The following IMPACT variants were observed in gnomAD, a reference collection of about 807,000 sequenced individuals.
IMPACT encodes impact RWD domain protein, also known as protein IMPACT.
Under a neutral mutation model 47.5 loss-of-function variants are expected in IMPACT, and 35 were observed. The ratio of observed to expected loss-of-function variants is 0.74; its 90% CI spans 0.56 to 0.98. The LOEUF (loss-of-function observed/expected upper bound fraction) is 0.98. Among genes scored for constraint, IMPACT ranks in the 50% least tolerant of loss-of-function variants. The pLI, the probability that IMPACT is intolerant of heterozygous loss-of-function variation, is 0.00. For synonymous variants in IMPACT, 118 were observed against 125.6 expected (o/e 0.94, Z 0.40); for missense variants, 373 against 394.8 (o/e 0.94, Z 0.47).
In IMPACT at chr18:24,441,870, G is replaced by C. The variant is rs577225031; in HGVS notation, c.491-1179G>C. ...GACATATGATATCTTTTGAAAACAG[G>C]ATCTACCATGAAAAGAAAAAGGATA... is the stretch of plus-strand genomic sequence containing the variant. On this transcript the variant is annotated intron_variant, in intron 6 of 10. Transcript: ENST00000284202. 3.3e-5 allele frequency among the ~76,000 whole-genome samples: 5 copies of C among 152,122 alleles called. No individual in the cohort carries two copies. In the South Asian group the frequency reaches 1.0e-3, roughly 32 times the overall value.
chr18:24,434,902 A>G (rs1418493309), intron 4 of IMPACT, among the ~76,000 whole-genome samples: 1 of 28,414 alleles, frequency 3.5e-5, no homozygotes, highest in Admixed American at 5.3e-4. Flanking sequence ...ATGTGTATAT[A>G]TATGTGTGTG....
rs541168412 is a variant in IMPACT at position 24,433,039 on chromosome 18, T to G, written c.281+2655T>G. 5.3e-5 allele frequency among the ~76,000 whole-genome samples: 8 copies of G among 152,280 alleles called. No homozygotes were observed. The South Asian group carries it at 8.3e-4, about 16-fold the overall frequency. On this transcript the variant is annotated intron_variant, in intron 4 of 10. Coordinates refer to ENST00000284202, the MANE Select transcript of IMPACT (RefSeq NM_018439.4). ...TAGTTCACTTGAGCTATTTGAAACT[T>G]ACGAAGTGTCAGAGATTACAATATA... is the stretch of plus-strand genomic sequence containing the variant.
chr18:24,428,595 G>C (rs1473226156), intron 2 of IMPACT, among the ~76,000 whole-genome samples: 5 of 152,198 alleles, frequency 3.3e-5, no homozygotes, highest in African/African-American at 1.2e-4. Context: ...GATTTGAAAA[G>C]AAGTATGTAT....
chr18:24,436,821 G>T lies in IMPACT; in HGVS notation c.282-1134G>T, dbSNP rs540387561. 4.6e-5 allele frequency among the ~76,000 whole-genome samples: 7 copies of T among 152,208 alleles called. 1 individual carries two copies. In the South Asian group the frequency reaches 1.5e-3, roughly 32 times the overall value. On this transcript the variant is annotated intron_variant, in intron 4 of 10. Coordinates refer to ENST00000284202, the MANE Select transcript of IMPACT (RefSeq NM_018439.4). The stretch of plus-strand genomic sequence containing the variant: ...CCACCCCGGCCCACCAAAGTGTTTT[G>T]ATTACACCACGCCCGGCTCTGGGAT...
chr18:24,440,706 T>A, intron 6 of IMPACT, 88 bp downstream of exon 6: 2 of 1,198,808 alleles, frequency 1.7e-6, no homozygotes, highest in Non-Finnish European at 2.2e-6. Flanking sequence ...AATTTACTAA[T>A]TTTCTCCAGT....
intron 4 of IMPACT, among the ~76,000 whole-genome samples, chr18:24,436,229 T>A (rs901411835): frequency 1.3e-5 from 2 of 152,178 alleles, no homozygotes; most frequent in African/African-American, 2.4e-5. Flanking sequence ...TATCATTTTT[T>A]TGTTCTTTAA....
chr18:24,439,701 A>G (rs1019759572), intron 5 of IMPACT: 6 of 151,782 alleles, frequency 4.0e-5, no homozygotes, highest in African/African-American at 1.5e-4. Context: ...AATTGCAGCT[A>G]CTTGGGAGGC....
chr18:24,429,937 C>T (rs963884479), intron 3 of IMPACT, among the ~76,000 whole-genome samples: 15 of 152,022 alleles, frequency 9.9e-5, no homozygotes, highest in Admixed American at 1.3e-4. Context: ...GCCACCACAC[C>T]CAGCTAATTT....
At chr18:24,447,000 A>G (rs530043205) in intron 8 of IMPACT, among the ~76,000 whole-genome samples, 1 of 152,308 alleles carries the variant, frequency 6.6e-6, no homozygotes, top group South Asian at 2.1e-4. Context: ...TGATAATCCA[A>G]TTTCATTTGT....
rs757198987 is a variant in IMPACT, at chr18:24,449,935, G to A, written c.876G>A (p.Lys292=). ...GTGCCAGAAACATACTAGTGGAAAA[G>A]AACTACACAAATTCACCTGTAAGTG... ...NNCARNILVE[K]NYTNSPEESS... The change falls in exon 10 of 11, where the codon AAG becomes AAA. Residue 292 remains lysine (K), a synonymous_variant. Coordinates refer to ENST00000284202, the MANE Select transcript of IMPACT (RefSeq NM_018439.4). 2 of 1,613,844 alleles carry A rather than the reference G, an allele frequency of 1.2e-6. No homozygotes were observed. Among genetic ancestry groups the A allele is most frequent in the East Asian group, 4.5e-5 (2 of 44,886 alleles).
chr18:24,426,830 C>T (rs1908620801), intron 1 of IMPACT, 38 bp downstream of exon 1: 2 of 1,228,836 alleles, frequency 1.6e-6, no homozygotes, highest in Non-Finnish European at 1.0e-6. Flanking sequence ...CCAGGCTCGG[C>T]TCCGGCTCGC....
At chr18:24,443,178 T>C in intron 7 of IMPACT, 26 bp downstream of exon 7, 1 of 1,080,630 alleles carries the variant, frequency 9.3e-7, no homozygotes, top group Non-Finnish European at 1.4e-6. Flanking sequence ...CTAGCTCACT[T>C]TGATGATTAC....
rs547155025 is a variant in IMPACT, at chr18:24,451,655, T to C, written c.*808T>C. ...ACCTGGAAGTACCTTTCTTGTGATC[T>C]TCACTGAGGAATTAGAACTATGATA... On this transcript the variant is annotated 3_prime_UTR_variant, in exon 11 of 11. Coordinates refer to ENST00000284202, the MANE Select transcript of IMPACT (RefSeq NM_018439.4). The C allele has an allele frequency of 1.3e-5, 2 of 152,314 alleles. No individual in the cohort carries two copies. Among genetic ancestry groups the C allele is most frequent in the East Asian group, 3.9e-4 (2 of 5,182 alleles). The allele number at this position is 152,314 out of a possible 1,614,324, so 9.4% of individuals were successfully genotyped here. A position where few individuals can be genotyped will look rare whatever the true frequency, so the allele number is the denominator to read the frequency against.
intron 1 of IMPACT, 102 bp from the exon 2 acceptor site, chr18:24,427,817 A>G: frequency 1.7e-6 from 2 of 1,147,956 alleles, no homozygotes; most frequent in South Asian, 1.6e-5. Context: ...GGAATTTTTG[A>G]TCTACTCTGG....
intron 10 of IMPACT, among the ~76,000 whole-genome samples, 189 bp downstream of exon 10, chr18:24,450,142 A>C (rs776634212): frequency 3.3e-5 from 5 of 152,120 alleles, no homozygotes; most frequent in African/African-American, 1.2e-4. Context: ...CCGATCACTT[A>C]ATCCCTTCGC....
intron 4 of IMPACT, among the ~76,000 whole-genome samples, chr18:24,432,388 G>A (rs981525487): frequency 5.3e-5 from 8 of 152,070 alleles, no homozygotes; most frequent in African/African-American, 1.9e-4. Context: ...GTTCTAGGTG[G>A]CCACTCCATT....
chr18:24,444,777 T>G (rs527259875), intron 7 of IMPACT, among the ~76,000 whole-genome samples: 1 of 152,372 alleles, frequency 6.6e-6, no homozygotes, highest in South Asian at 2.1e-4. Flanking sequence ...GTAGAAAAAT[T>G]ACTTGTCGTT....
intron 6 of IMPACT, 90 bp from the exon 7 acceptor site, chr18:24,442,959 C>T (rs1191679396): frequency 6.4e-6 from 4 of 629,322 alleles, no homozygotes; most frequent in African/African-American, 5.7e-5. Context: ...ATGTAATTTA[C>T]ATTTCTTTCC....
chr18:24,442,497 T>C (rs116116639), intron 6 of IMPACT, among the ~76,000 whole-genome samples: 1,979 of 152,298 alleles, frequency 0.013, 45 homozygotes, highest in African/African-American at 0.045. Flanking sequence ...CTGGAAATCA[T>C]GATGCTCTTT....
Sources: allele counts gnomAD v4.1 joint callset (sites outside exome capture counted in the v4.1 genomes callset), GRCh38; gene constraint gnomAD v4.1.1; transcripts MANE v1.5; gene names NCBI Gene and HGNC (gene_info 2026-07-23, HGNC 2026-07-21).